The following KIF6 variants were observed in gnomAD, a reference collection of about 807,000 sequenced individuals.
KIF6 encodes the protein kinesin family member 6, also known as kinesin-like protein KIF6.
A neutral mutation model predicts 112.7 loss-of-function variants in KIF6; 106 were observed. The observed-to-expected ratio is 0.94, with a 90% confidence interval of 0.80 to 1.11. KIF6 has a LOEUF of 1.11. Among genes scored for constraint, KIF6 ranks in the 50% least tolerant of loss-of-function variants. The probability of loss-of-function intolerance (pLI) is 0.00; values close to 1 mark genes in which losing one functional copy is unlikely to be tolerated. For missense variants in KIF6, 929 were observed against 964.0 expected (o/e 0.96, Z 0.48); for synonymous variants, 339 against 339.9 (o/e 1.00, Z 0.03).
intron 5 of KIF6, among the ~76,000 whole-genome samples, chr6:39,622,947 G>A (rs1286566131): frequency 6.6e-6 from 1 of 152,172 alleles, no homozygotes; most frequent in African/African-American, 2.4e-5. Context: ...TCTTTAAGGT[G>A]CGGTGGTGTG....
rs1435595950 is a variant in KIF6 at position 39,330,937 on chromosome 6, A to T, written c.*5595T>A. Reference sequence around the variant, plus strand: ...GCCTCGGAGCCCTGGCAGTCCCTGGACACGTGTTATGGAAGGAACACTGTC... The same window carrying T: ...GCCTCGGAGCCCTGGCAGTCCCTGGTCACGTGTTATGGAAGGAACACTGTC... On this transcript the variant is annotated 3_prime_UTR_variant, in exon 23 of 23. Coordinates refer to ENST00000287152, the MANE Select transcript of KIF6 (RefSeq NM_145027.6). 6.6e-6 allele frequency: 1 copy of T among 152,392 alleles called. No individual in the cohort carries two copies. Among genetic ancestry groups the T allele is most frequent in the East Asian group, 1.9e-4 (1 of 5,194 alleles). 9.4% of individuals were successfully genotyped at this position (152,392 alleles called of 1,614,324 possible).
chr6:39,608,350 G>A (rs564699426), intron 6 of KIF6, among the ~76,000 whole-genome samples: 3 of 152,224 alleles, frequency 2.0e-5, no homozygotes, highest in African/African-American at 4.8e-5. Flanking sequence ...TACCTTCAAC[G>A]TGCGCAGAAC....
chr6:39,592,285 C>T (rs902752833), intron 7 of KIF6, among the ~76,000 whole-genome samples: 2 of 152,162 alleles, frequency 1.3e-5, no homozygotes, highest in African/African-American at 2.4e-5. Context: ...ACTGTGCTTG[C>T]AATCAATAAT....
chr6:39,462,607 A>G (rs1258214886), intron 13 of KIF6, among the ~76,000 whole-genome samples: 1 of 152,144 alleles, frequency 6.6e-6, no homozygotes, highest in Non-Finnish European at 1.5e-5. Flanking sequence ...GGGTAGAGGT[A>G]TTTACTGAAG....
Position 39,343,808 on chromosome 6 carries a change from T to G in KIF6, c.2329A>C (p.Lys777Gln). The change falls in exon 22 of 23, where the codon AAG becomes CAG. Residue 777 changes from lysine (K) to glutamine (Q), a missense_variant. Physicochemically the swap from Lys to Gln is moderately conservative, Grantham distance 53. Around this residue, in one of 2 missense-constraint regions of KIF6, gnomAD observed 241 missense variants for 301.4 expected, o/e 0.80. Coordinates refer to ENST00000287152, the MANE Select transcript of KIF6 (RefSeq NM_145027.6). The surrounding 1 kb of genome is among the most constrained non-coding windows in gnomAD (Gnocchi z 4.1). ...AGAGGGATGGACGACACTGGCCTCT[T>G]GGGGATGCTGGAGGCAACCACGTGT... is the stretch of plus-strand genomic sequence containing the variant. The part of the protein sequence containing the change: ...TSTPLEDSIP[K>Q]RPVSSIPLTG... The G allele has an allele frequency of 1.3e-6, 2 of 1,597,198 alleles. No individual in the cohort carries two copies. The highest frequency in any genetic ancestry group is 1.7e-6 in the Non-Finnish European group (2 of 1,171,400).
intron 13 of KIF6, among the ~76,000 whole-genome samples, 197 bp downstream of exon 13, chr6:39,539,806 G>T (rs1343705068): frequency 6.6e-6 from 1 of 152,080 alleles, no homozygotes; most frequent in African/African-American, 2.4e-5. Context: ...GCTGAATTCT[G>T]AGAAAATTCA....
intron 7 of KIF6, among the ~76,000 whole-genome samples, chr6:39,590,135 C>T (rs1215734750): frequency 1.3e-5 from 2 of 151,992 alleles, no homozygotes; most frequent in Non-Finnish European, 2.9e-5. Context: ...AGAACTCTAG[C>T]CTCTAAGAAC....
chr6:39,585,198 G>T (rs936080054), intron 8 of KIF6, among the ~76,000 whole-genome samples: 11 of 152,214 alleles, frequency 7.2e-5, no homozygotes, highest in African/African-American at 2.7e-4. Context: ...TTTTGTGGAA[G>T]ACAATTTTTC....
At chr6:39,474,817 C>T (rs1255910559) in intron 13 of KIF6, among the ~76,000 whole-genome samples, 1 of 152,238 alleles carries the variant, frequency 6.6e-6, no homozygotes, top group Admixed American at 6.5e-5. Context: ...GGTTCCAACT[C>T]TAATTTGCAG....
chr6:39,645,844 A>G (rs1350461611), intron 3 of KIF6, among the ~76,000 whole-genome samples: 1 of 152,158 alleles, frequency 6.6e-6, no homozygotes, highest in African/African-American at 2.4e-5. Context: ...GCTGGAAACC[A>G]TCATTCTCAG....
chr6:39,532,537 A>G (rs1367225611), intron 13 of KIF6, among the ~76,000 whole-genome samples: 2 of 152,212 alleles, frequency 1.3e-5, no homozygotes, highest in South Asian at 2.1e-4. Flanking sequence ...TGCCATCACA[A>G]TAAGTGGTAA....
intron 16 of KIF6, among the ~76,000 whole-genome samples, chr6:39,366,479 G>A (rs1765563120): frequency 1.3e-5 from 2 of 152,194 alleles, no homozygotes; most frequent in African/African-American, 4.8e-5. Context: ...GCAACATCAT[G>A]CTGGGGATCG....
intron 16 of KIF6, among the ~76,000 whole-genome samples, chr6:39,384,415 G>A (rs540809050): frequency 2.6e-5 from 4 of 152,294 alleles, no homozygotes; most frequent in East Asian, 1.9e-4. Flanking sequence ...AAGACACTTC[G>A]CAGAATCTCA....
chr6:39,710,346 G>A (rs1455106130), intron 3 of KIF6, among the ~76,000 whole-genome samples: 1 of 151,780 alleles, frequency 6.6e-6, no homozygotes, highest in Non-Finnish European at 1.5e-5. Context: ...ACAGACAAAC[G>A]CATTCTCAAA....
chr6:39,640,641 C>A (rs1784853342), intron 3 of KIF6, among the ~76,000 whole-genome samples: 1 of 152,010 alleles, frequency 6.6e-6, no homozygotes, highest in Non-Finnish European at 1.5e-5. Context: ...ATTAGAATTC[C>A]TCCCTATTAG....
At chr6:39,446,226 C>A (rs1177855504) in intron 13 of KIF6, among the ~76,000 whole-genome samples, 1 of 152,216 alleles carries the variant, frequency 6.6e-6, no homozygotes, top group African/African-American at 2.4e-5. Flanking sequence ...TAACTGCTAT[C>A]TCTTAATGGT....
chr6:39,613,085 T>C lies in KIF6; in HGVS notation c.639+104A>G, dbSNP rs1300935967. On this transcript the variant is annotated intron_variant, in intron 6 of 22. Transcript: ENST00000287152. ...TTGGACGAGATTATTTTTAAGGTCATTGTTGGCCCTAAACTTCTATTATAT... is the reference window on the plus strand; with the variant it reads ...TTGGACGAGATTATTTTTAAGGTCACTGTTGGCCCTAAACTTCTATTATAT... 4.7e-6 allele frequency: 4 copies of C among 852,686 alleles called. No homozygotes were observed. In the Admixed American group the frequency reaches 1.4e-4, roughly 30 times the overall value. The allele number at this position is 852,686 out of a possible 1,614,324, so 52.8% of individuals were successfully genotyped here. A position where few individuals can be genotyped will look rare whatever the true frequency, so the allele number is the denominator to read the frequency against.
chr6:39,443,500 G>A (rs1375641420), intron 13 of KIF6, among the ~76,000 whole-genome samples: 1 of 151,988 alleles, frequency 6.6e-6, no homozygotes, highest in East Asian at 1.9e-4. Context: ...CTGGAGTAGA[G>A]TGGTGCAATC....
intron 13 of KIF6, among the ~76,000 whole-genome samples, chr6:39,499,697 C>G (rs1302028309): frequency 6.6e-6 from 1 of 152,258 alleles, no homozygotes; most frequent in East Asian, 1.9e-4. Context: ...CCTCCCTTCC[C>G]CCTTGAGCTA....
Sources: allele counts gnomAD v4.1 joint callset (sites outside exome capture counted in the v4.1 genomes callset), GRCh38; gene constraint gnomAD v4.1.1; regional missense constraint gnomAD v4.1.1; non-coding constraint Gnocchi (gnomAD v3.1); transcripts MANE v1.5; gene names NCBI Gene and HGNC (gene_info 2026-07-23, HGNC 2026-07-21).